GABPA: variants seen among roughly 807,000 people sequenced by gnomAD.
GABPA encodes GA-binding protein alpha chain.
GABPA carries 4 observed loss-of-function variants against 59.4 expected under a neutral mutation model. The observed-to-expected ratio is 0.07, with a 90% CI of 0.03 to 0.15. The LOEUF (loss-of-function observed/expected upper bound fraction) is 0.15, where lower values mean the gene tolerates loss of function less well. GABPA is among the 10% of genes least tolerant of loss of function. The probability of loss-of-function intolerance (pLI) is 1.00; values close to 1 mark genes in which losing one functional copy is unlikely to be tolerated. For missense variants in GABPA, 251 were observed against 543.8 expected, an observed-to-expected ratio of 0.46 and a Z score of 5.36; for synonymous variants, 164 against 183.1, an observed-to-expected ratio of 0.90 and a Z score of 0.84.
chr21:25,738,936 C>A (rs57347775), intron 1 of GABPA, among the ~76,000 whole-genome samples: 5,378 of 151,466 alleles, frequency 0.036, 297 homozygotes, highest in African/African-American at 0.12. Flanking sequence ...AAAAAAAAAA[C>A]CAAAAACAGA....
At chr21:25,737,650 T>C (rs2035115627) in intron 1 of GABPA, among the ~76,000 whole-genome samples, 1 of 152,218 alleles carries the variant, frequency 6.6e-6, no homozygotes, top group African/African-American at 2.4e-5. Context: ...GATACGCCAT[T>C]AGGGCCACTT....
intron 2 of GABPA, among the ~76,000 whole-genome samples, chr21:25,742,343 A>G (rs2035243010): frequency 7.2e-6 from 1 of 139,520 alleles, no homozygotes; most frequent in African/African-American, 2.7e-5. Flanking sequence ...TGAGATAATA[A>G]GCTGAAAGTA....
At chr21:25,764,424 G>A in intron 8 of GABPA, 74 bp downstream of exon 8, 1 of 1,465,602 alleles carries the variant, frequency 6.8e-7, no homozygotes, top group Admixed American at 2.3e-5. Flanking sequence ...TTTACTGTAT[G>A]AAAAATGTGA....
intron 6 of GABPA, among the ~76,000 whole-genome samples, chr21:25,759,055 C>G (rs1344182208): frequency 6.6e-6 from 1 of 151,816 alleles, no homozygotes; most frequent in Non-Finnish European, 1.5e-5. Flanking sequence ...GGTGACAGAG[C>G]AAGAGTCTCA....
chr21:25,764,810 T>G (rs1568953522), intron 9 of GABPA, 23 bp downstream of exon 9: 4 of 1,490,226 alleles, frequency 2.7e-6, no homozygotes. Context: ...TACTTTTTTT[T>G]CTGTTATCAA....
intron 9 of GABPA, among the ~76,000 whole-genome samples, chr21:25,765,113 C>G (rs1464211559): frequency 6.6e-6 from 1 of 151,842 alleles, no homozygotes; most frequent in Non-Finnish European, 1.5e-5. Flanking sequence ...TAAGCAGAAA[C>G]TGTCCTCTGT....
chr21:25,763,202 A>G, intron 7 of GABPA: 1 of 514,376 alleles, frequency 1.9e-6, no homozygotes, highest in South Asian at 1.6e-5. Context: ...GCTGTCTCTT[A>G]AACATCTTTC....
Position 25,735,018 on chromosome 21 carries a change from C to A in GABPA, c.-587C>A, listed in dbSNP as rs546547593. On this transcript the variant is annotated 5_prime_UTR_variant, in exon 1 of 10. Transcript: ENST00000400075. ...CAGGAAGCGTCTCGGAGACAGTCTG[C>A]GACCGGACGGGTCTAGGTGAGACAG... 2.6e-6 allele frequency: 4 copies of A among 1,520,884 alleles called. No homozygotes were observed. The highest frequency in any genetic ancestry group is 4.9e-5 in the East Asian group (2 of 40,916). The allele number at this position is 1,520,884 out of a possible 1,614,324, so 94.2% of individuals were successfully genotyped here.
intron 2 of GABPA, among the ~76,000 whole-genome samples, chr21:25,742,325 G>A (rs1165251675): frequency 6.6e-6 from 1 of 151,850 alleles, no homozygotes; most frequent in Non-Finnish European, 1.5e-5. Context: ...ACTCCGTGAA[G>A]TAGGAGGTGA....
rs2036014216 is a variant in GABPA, at chr21:25,771,720, C to G, written c.*2488C>G. ...GAAGAAAGATAAAATTATTGGTCAT[C>G]ATTTGTACCTTAGAAGTACAAGAAT... is the stretch of plus-strand genomic sequence containing the variant. On this transcript the variant is annotated 3_prime_UTR_variant, in exon 10 of 10. Transcript: ENST00000400075. 6.6e-6 allele frequency: 1 copy of G among 151,954 alleles called. No homozygotes were observed. The highest frequency in any genetic ancestry group is 2.4e-5 in the African/African-American group (1 of 41,432). 9.4% of individuals were successfully genotyped at this position (151,954 alleles called of 1,614,324 possible). A position where few individuals can be genotyped will look rare whatever the true frequency, so the allele number is the denominator to read the frequency against.
At chr21:25,750,289 C>T (rs1200252143) in intron 4 of GABPA, among the ~76,000 whole-genome samples, 1 of 152,210 alleles carries the variant, frequency 6.6e-6, no homozygotes, top group East Asian at 1.9e-4. Flanking sequence ...GAAACTTTAT[C>T]CACTCGCCTG....
rs1241184094 is a variant in GABPA at position 25,764,803 on chromosome 21, T to A, written c.1136+16T>A. ...GTGCATTAAGGTAAGCCTTTATTAC[T>A]TTTTTTTCTGTTATCAAAAATAGAA... is the stretch of plus-strand genomic sequence containing the variant. On this transcript the variant is annotated intron_variant, in intron 9 of 9. Coordinates refer to ENST00000400075, the MANE Select transcript of GABPA (RefSeq NM_002040.4). 1.3e-6 allele frequency: 2 copies of A among 1,487,876 alleles called. No individual in the cohort carries two copies. The allele number at this position is 1,487,876 out of a possible 1,614,324, so 92.2% of individuals were successfully genotyped here. A position where few individuals can be genotyped will look rare whatever the true frequency, so the allele number is the denominator to read the frequency against.
At chr21:25,739,074 C>G (rs1488579973) in intron 1 of GABPA, among the ~76,000 whole-genome samples, 1 of 152,222 alleles carries the variant, frequency 6.6e-6, no homozygotes, top group African/African-American at 2.4e-5. Flanking sequence ...GCAGTCTGCT[C>G]CATATGCATG....
chr21:25,754,615 A>G (rs188047025), intron 5 of GABPA, among the ~76,000 whole-genome samples: 9 of 149,896 alleles, frequency 6.0e-5, no homozygotes, highest in African/African-American at 2.2e-4. Context: ...TATTGATTAT[A>G]TATTTTTTTT....
Position 25,764,728 on chromosome 21 carries a change from A to G in GABPA, c.1077A>G (p.Lys359=), listed in dbSNP as rs753273690. The G allele has an allele frequency of 5.0e-6, 8 of 1,611,464 alleles. No homozygotes were observed. The South Asian group carries it at 8.8e-5, about 18-fold the overall frequency. Residue 359 remains lysine (K), a synonymous_variant, in exon 9 of 10, where the codon AAA becomes AAG. Transcript: ENST00000400075. ...ATCAGCCTGAACTGGTTGCACAGAA[A>G]TGGGGACAGCGTAAAAATAAGCCTA... The part of the protein sequence containing the change: ...KLNQPELVAQ[K]WGQRKNKPTM...
chr21:25,740,447 G>T (rs932208390), intron 1 of GABPA, among the ~76,000 whole-genome samples: 3 of 152,202 alleles, frequency 2.0e-5, no homozygotes, highest in African/African-American at 7.2e-5. Context: ...TGGACTGAAA[G>T]TGCGTATGGA....
chr21:25,760,613 G>A (rs1461536775), intron 6 of GABPA, among the ~76,000 whole-genome samples: 4 of 152,038 alleles, frequency 2.6e-5, no homozygotes, highest in African/African-American at 9.7e-5. Flanking sequence ...TTCTCGGTGT[G>A]AATCTCTGTC....
chr21:25,748,892 A>G (rs2035436203), intron 3 of GABPA, 144 bp from the exon 4 acceptor site: 6 of 624,210 alleles, frequency 9.6e-6, no homozygotes, highest in Non-Finnish European at 1.7e-5. Flanking sequence ...AAATATGACA[A>G]GCTAAATAAT....
intron 1 of GABPA, among the ~76,000 whole-genome samples, chr21:25,736,108 A>G (rs2123476024): frequency 6.6e-6 from 1 of 152,300 alleles, no homozygotes; most frequent in South Asian, 2.1e-4. Context: ...TTAAGCAAGG[A>G]AGTAAACCAA....
Sources: gnomAD v4.1 joint callset for allele counts (sites outside exome capture counted in the v4.1 genomes callset) on GRCh38, gnomAD v4.1.1 for gene constraint, MANE v1.5 for transcripts, NCBI Gene and HGNC (gene_info 2026-07-23, HGNC 2026-07-21) for gene names.